The following RNF144A variants were observed in gnomAD, a reference collection of about 807,000 sequenced individuals.
The protein encoded by RNF144A is ring finger protein 144A.
RNF144A carries 11 observed loss-of-function variants against 38.7 expected under a neutral mutation model. That is an observed-to-expected ratio of 0.28 (90% CI 0.18 to 0.47). The LOEUF (loss-of-function observed/expected upper bound fraction) is 0.47. Among genes scored for constraint, RNF144A ranks in the 20% least tolerant of loss-of-function variants. The pLI is 0.99. For missense variants in RNF144A, 316 were observed against 377.2 expected (o/e 0.84, Z 1.34); for synonymous variants, 149 against 143.9 (o/e 1.04, Z -0.25).
Position 7,041,111 on chromosome 2 carries a change from TTC to T in RNF144A, c.*1353_*1354del, listed in dbSNP as rs1315814807. 1 of 982,606 alleles carries T rather than the reference TTC, an allele frequency of 1.0e-6. No individual in the cohort carries two copies. The highest frequency in any genetic ancestry group is 6.1e-5 in the Admixed American group (1 of 16,266). The allele number at this position is 982,606 out of a possible 1,614,324, so 60.9% of individuals were successfully genotyped here. Reference sequence around the variant, plus strand: ...AAGCAAACTGCATTGAATTTAAAACTTCTAAAAATAACAGGCAAATATTGTAG... The same window carrying T: ...AAGCAAACTGCATTGAATTTAAAACTTAAAAATAACAGGCAAATATTGTAG... On this transcript the variant is annotated 3_prime_UTR_variant, in exon 9 of 9. Coordinates refer to ENST00000320892, the MANE Select transcript of RNF144A (RefSeq NM_014746.6).
intron 8 of RNF144A, among the ~76,000 whole-genome samples, chr2:7,035,764 C>T (rs1198266415): frequency 6.6e-6 from 1 of 152,162 alleles, no homozygotes; most frequent in Admixed American, 6.5e-5. Flanking sequence ...CAACGTGTCT[C>T]TTTGAGATTG....
chr2:7,052,329 C>T (rs1572484211), intron 6 of RNF144A, among the ~76,000 whole-genome samples: 1 of 152,196 alleles, frequency 6.6e-6, no homozygotes, highest in East Asian at 1.9e-4. Flanking sequence ...TTTTCATTTT[C>T]TAGTCCTCAC....
At chr2:7,058,127 A>T (rs184198677) in intron 6 of RNF144A, among the ~76,000 whole-genome samples, 3 of 152,278 alleles carry the variant, frequency 2.0e-5, no homozygotes, top group Admixed American at 6.5e-5. Flanking sequence ...AGTCAATATG[A>T]TACCTGAGAT....
At position 7,040,109 on chromosome 2, in the gene RNF144A, T is replaced by G; in HGVS notation, c.*349T>G. The stretch of plus-strand genomic sequence containing the variant: ...GACTTTCTGCTCCTTGGCTTCTAGA[T>G]GGCACCATGTTGTCAGAGAAGTCTT... On this transcript the variant is annotated 3_prime_UTR_variant, in exon 9 of 9. Coordinates refer to ENST00000320892, the MANE Select transcript of RNF144A (RefSeq NM_014746.6). The G allele has an allele frequency of 9.7e-7, 1 of 1,026,358 alleles. No individual in the cohort carries two copies. Among genetic ancestry groups the G allele is most frequent in the Non-Finnish European group, 1.2e-6 (1 of 856,764 alleles). The allele number at this position is 1,026,358 out of a possible 1,614,324, so 63.6% of individuals were successfully genotyped here.
chr2:7,070,933 T>G (rs1018715181), downstream of RNF144A, among the ~76,000 whole-genome samples: 1 of 13,090 alleles, frequency 7.6e-5, no homozygotes, highest in African/African-American at 1.1e-3. Context: ...CTTTGCTGAG[T>G]TTTTTTTTTT....
chr2:7,041,683 T>A lies in RNF144A; in HGVS notation c.*1923T>A, dbSNP rs928453030. ...GCTGTCCAGCCACTGCCCTTTAACA[T>A]GCCCAGCACACATGGGAGGCCTGTG... On this transcript the variant is annotated 3_prime_UTR_variant, in exon 9 of 9. Coordinates refer to ENST00000320892, the MANE Select transcript of RNF144A (RefSeq NM_014746.6). 1.2e-5 allele frequency: 12 copies of A among 985,364 alleles called. No individual in the cohort carries two copies. The highest frequency in any genetic ancestry group is 5.2e-5 in the African/African-American group (3 of 57,238). The allele number at this position is 985,364 out of a possible 1,614,324, so 61.0% of individuals were successfully genotyped here.
intron 3 of RNF144A, among the ~76,000 whole-genome samples, chr2:7,011,976 A>G (rs1670847450): frequency 6.6e-6 from 1 of 152,110 alleles, no homozygotes; most frequent in Non-Finnish European, 1.5e-5. Context: ...CCCAGACATG[A>G]CTCACTACTT....
At chr2:7,002,064 A>C (rs575853777) in intron 3 of RNF144A, among the ~76,000 whole-genome samples, 1 of 152,224 alleles carries the variant, frequency 6.6e-6, no homozygotes. Flanking sequence ...GGTATGCTGC[A>C]GAAAAGCTAC....
chr2:6,992,900 G>T (rs1051022114), intron 2 of RNF144A, among the ~76,000 whole-genome samples: 1 of 152,210 alleles, frequency 6.6e-6, no homozygotes, highest in African/African-American at 2.4e-5. Flanking sequence ...TGCACATTTT[G>T]AATTGCTTAA....
At chr2:6,978,977 C>A (rs1668468478) in intron 2 of RNF144A, 1 of 152,694 alleles carries the variant, frequency 6.5e-6, no homozygotes, top group Admixed American at 6.5e-5. Context: ...TGCCCAACTT[C>A]TGGGCTGCCT....
At chr2:7,072,233 A>C (rs1674511112), downstream of RNF144A, among the ~76,000 whole-genome samples, 1 of 152,260 alleles carries the variant, frequency 6.6e-6, no homozygotes, top group South Asian at 2.1e-4. Context: ...TGGAAGCTAC[A>C]GGTGCTACTA....
At chr2:7,063,068 G>A (rs1674041515) in intron 6 of RNF144A, among the ~76,000 whole-genome samples, 1 of 152,156 alleles carries the variant, frequency 6.6e-6, no homozygotes, top group African/African-American at 2.4e-5. Context: ...CTGGGGAGGA[G>A]GACACCTAGT....
At chr2:7,031,918 A>G (rs894873913) in intron 8 of RNF144A, among the ~76,000 whole-genome samples, 3 of 152,272 alleles carry the variant, frequency 2.0e-5, no homozygotes, top group African/African-American at 4.8e-5. Context: ...GCCGTGTTCC[A>G]GTGAAACTGT....
intron 3 of RNF144A, among the ~76,000 whole-genome samples, chr2:7,006,527 C>T (rs1023898020): frequency 6.6e-6 from 1 of 152,034 alleles, no homozygotes; most frequent in Non-Finnish European, 1.5e-5. Context: ...CTCCGATGCC[C>T]GTACTGGCCT....
intron 7 of RNF144A, among the ~76,000 whole-genome samples, chr2:7,029,575 G>A (rs1288230719): frequency 3.9e-5 from 6 of 152,222 alleles, no homozygotes; most frequent in Admixed American, 6.5e-5. Context: ...CAAGTGGCCT[G>A]AGTGGAGAGG....
chr2:6,979,947 T>C (rs1572325431), intron 2 of RNF144A, among the ~76,000 whole-genome samples: 1 of 152,220 alleles, frequency 6.6e-6, no homozygotes, highest in Admixed American at 6.5e-5. Context: ...CTCACAATTA[T>C]GGCTGAAGGT....
chr2:6,988,252 G>A (rs1046765966), intron 2 of RNF144A, among the ~76,000 whole-genome samples: 50 of 152,178 alleles, frequency 3.3e-4, no homozygotes, highest in African/African-American at 1.1e-3. Flanking sequence ...AACGTCTTGC[G>A]TTAGTTTAGT....
chr2:7,042,155 C>T lies in RNF144A; in HGVS notation c.*2395C>T. The T allele has an allele frequency of 1.0e-6, 1 of 985,180 alleles. No homozygotes were observed. Among genetic ancestry groups the T allele is most frequent in the South Asian group, 4.7e-5 (1 of 21,284 alleles). The allele number at this position is 985,180 out of a possible 1,614,324, so 61.0% of individuals were successfully genotyped here. Reference sequence around the variant, plus strand: ...TCCTATATAAATACCAGCAAGATCACTCTGAGATACATAAACTCGCATTTC... The same window carrying T: ...TCCTATATAAATACCAGCAAGATCATTCTGAGATACATAAACTCGCATTTC... On this transcript the variant is annotated 3_prime_UTR_variant, in exon 9 of 9. Coordinates refer to ENST00000320892, the MANE Select transcript of RNF144A (RefSeq NM_014746.6).
intron 2 of RNF144A, among the ~76,000 whole-genome samples, chr2:6,981,518 A>G (rs1202706499): frequency 6.6e-6 from 1 of 152,146 alleles, no homozygotes; most frequent in Non-Finnish European, 1.5e-5. Flanking sequence ...CAGGGGGAAA[A>G]TGCCACCAGT....
Sources: gnomAD v4.1 joint callset for allele counts (sites outside exome capture counted in the v4.1 genomes callset) on GRCh38, gnomAD v4.1.1 for gene constraint, MANE v1.5 for transcripts, NCBI Gene and HGNC (gene_info 2026-07-23, HGNC 2026-07-21) for gene names.